NMNAT1: variants seen among roughly 807,000 people sequenced by gnomAD.
NMNAT1 encodes the protein nicotinamide nucleotide adenylyltransferase 1.
A neutral mutation model predicts 16.7 loss-of-function variants in NMNAT1; 11 were observed. The ratio of observed to expected loss-of-function variants is 0.66; its 90% CI spans 0.41 to 1.09. NMNAT1 has a LOEUF of 1.09. Ranked by LOEUF, NMNAT1 falls within the 50% of genes least tolerant of loss-of-function variation. The pLI, the probability that NMNAT1 is intolerant of heterozygous loss-of-function variation, is 0.00. For missense variants in NMNAT1, 280 were observed against 332.3 expected (o/e 0.84, Z 1.22); for synonymous variants, 110 against 119.8 (o/e 0.92, Z 0.53).
intron 1 of NMNAT1, among the ~76,000 whole-genome samples, chr1:9,969,242 T>G (rs1343072726): frequency 6.6e-6 from 1 of 152,154 alleles, no homozygotes; most frequent in Non-Finnish European, 1.5e-5. Context: ...GAAGAAACTT[T>G]AAAATATATC....
chr1:9,979,137 G>A (rs1168491204), intron 3 of NMNAT1, among the ~76,000 whole-genome samples: 2 of 152,168 alleles, frequency 1.3e-5, no homozygotes, highest in East Asian at 1.9e-4. Context: ...AGTGAAACTA[G>A]CTGCAAGGTG....
At chr1:9,987,551 A>G (rs1642061127), downstream of NMNAT1, among the ~76,000 whole-genome samples, 1 of 151,828 alleles carries the variant, frequency 6.6e-6, no homozygotes, top group Non-Finnish European at 1.5e-5. Context: ...GAGGTAGGAG[A>G]ATGGCGTGAA....
At position 9,951,476 on chromosome 1, in the gene NMNAT1, T is replaced by C. The variant is rs534015206; in HGVS notation, c.-57+7961T>C. ...TTCAGTTTTTTTTTGTTGTTGTTGT[T>C]GTTGTTTGTTTGTTTTGAGGCAAGA... On this transcript the variant is annotated intron_variant, in intron 1 of 4. Transcript: ENST00000377205. Among the ~76,000 whole-genome samples the C allele has an allele frequency of 4.4e-4, 20 of 45,264 alleles. No homozygotes were observed. The East Asian group carries it at 0.015, about 34-fold the overall frequency. The allele number at this position is 45,264 out of a possible 152,430, so 29.7% of individuals were successfully genotyped here. A position where few individuals can be genotyped will look rare whatever the true frequency, so the allele number is the denominator to read the frequency against.
intron 1 of NMNAT1, among the ~76,000 whole-genome samples, chr1:9,957,934 G>A (rs1383083903): frequency 6.6e-6 from 1 of 152,148 alleles, no homozygotes; most frequent in Non-Finnish European, 1.5e-5. Flanking sequence ...ATAAGCTAAC[G>A]CTAGACCGTT....
At chr1:9,967,755 C>T (rs1217008403) in intron 1 of NMNAT1, among the ~76,000 whole-genome samples, 4 of 152,000 alleles carry the variant, frequency 2.6e-5, no homozygotes, top group East Asian at 1.9e-4. Context: ...AGGTTCGCTT[C>T]GAGATTCTGA....
intron 1 of NMNAT1, among the ~76,000 whole-genome samples, chr1:9,968,335 G>A (rs926889204): frequency 2.6e-5 from 4 of 151,446 alleles, no homozygotes; most frequent in African/African-American, 4.8e-5. Flanking sequence ...GCCTCCCAAA[G>A]TGCTGGGATT....
downstream of NMNAT1, among the ~76,000 whole-genome samples, chr1:9,986,221 T>G (rs549576979): frequency 7.9e-5 from 12 of 152,222 alleles, 1 homozygote; most frequent in South Asian, 2.3e-3. Context: ...TTAGGGAAAA[T>G]AGCAAACACA....
At chr1:9,994,300 A>G in the NMNAT1 span, among the ~76,000 whole-genome samples, 6 of 151,096 alleles carry the variant, frequency 4.0e-5, no homozygotes, top group Non-Finnish European at 8.8e-5. Flanking sequence ...TTTAGTAGAG[A>G]CGGGGTTTCA....
rs149453256 is a variant in NMNAT1 at position 9,963,270 on chromosome 1, A to C, written c.-56-8748A>C. On this transcript the variant is annotated intron_variant, in intron 1 of 4. Transcript: ENST00000377205. ...AAATCTGAACAAAAGCAAGTTGGTC[A>C]GCCTAGCAGTTATGTCTGACTACTA... Among the ~76,000 whole-genome samples, 7 of 152,300 alleles carry C rather than the reference A, an allele frequency of 4.6e-5. No individual in the cohort carries two copies. In the East Asian group the frequency reaches 1.3e-3, roughly 29 times the overall value.
intron 1 of NMNAT1, chr1:9,947,194 C>G (rs1403995396): frequency 1.3e-5 from 2 of 152,382 alleles, no homozygotes; most frequent in Non-Finnish European, 2.9e-5. Context: ...TCTTTCTCTT[C>G]TCTTTTTTTT....
At chr1:9,959,373 GAAAAAAAAA>G (rs70998331) in intron 1 of NMNAT1, among the ~76,000 whole-genome samples, 75 of 117,594 alleles carry the variant, frequency 6.4e-4, no homozygotes, top group African/African-American at 2.3e-3. Context: ...CTCCATCTTG[GAAAAAAAAA>G]AAAAAAAAAA....
At chr1:9,957,678 T>A (rs1190791642) in intron 1 of NMNAT1, among the ~76,000 whole-genome samples, 3 of 152,168 alleles carry the variant, frequency 2.0e-5, no homozygotes, top group Admixed American at 6.6e-5. Context: ...TAAGGAAAAA[T>A]GACTTATTTT....
rs577276687 is a variant in NMNAT1, at chr1:9,968,134, C to G, written c.-56-3884C>G. Among the ~76,000 whole-genome samples the G allele has an allele frequency of 2.4e-5, 3 of 125,136 alleles. 1 individual carries two copies. The highest frequency in any genetic ancestry group is 5.4e-4 in the South Asian group (2 of 3,706). The allele number at this position is 125,136 out of a possible 152,430, so 82.1% of individuals were successfully genotyped here. A position where few individuals can be genotyped will look rare whatever the true frequency, so the allele number is the denominator to read the frequency against. On this transcript the variant is annotated intron_variant, in intron 1 of 4. Transcript: ENST00000377205. ...TTGCCCAGGCTGGAGTGCAGTGGCA[C>G]GATCTTGGCTTGCTGCAAGCTCCGC...
At chr1:9,979,801 C>CAA (rs1165379193) in intron 3 of NMNAT1, among the ~76,000 whole-genome samples, 6 of 90,618 alleles carry the variant, frequency 6.6e-5, no homozygotes, top group Admixed American at 2.5e-4. Flanking sequence ...GACTCCATCT[C>CAA]AAAAAAAAAA....
chr1:9,972,890 G>C (rs554163549), intron 2 of NMNAT1, among the ~76,000 whole-genome samples: 7 of 152,118 alleles, frequency 4.6e-5, no homozygotes, highest in African/African-American at 1.7e-4. Flanking sequence ...GAGCCCGGGA[G>C]GTCTAGGCTA....
At chr1:9,958,727 T>G (rs1397576975) in intron 1 of NMNAT1, among the ~76,000 whole-genome samples, 5 of 152,128 alleles carry the variant, frequency 3.3e-5, no homozygotes, top group African/African-American at 9.7e-5. Flanking sequence ...TGTGAGCCAC[T>G]GCTCCCAGCC....
intron 1 of NMNAT1, among the ~76,000 whole-genome samples, chr1:9,966,393 A>T (rs1216647512): frequency 6.6e-6 from 1 of 152,076 alleles, no homozygotes; most frequent in South Asian, 2.1e-4. Flanking sequence ...CAGGCAGATC[A>T]CCTGAGGTCA....
chr1:9,979,387 G>A (rs1473450737), intron 3 of NMNAT1, among the ~76,000 whole-genome samples: 1 of 152,000 alleles, frequency 6.6e-6, no homozygotes, highest in Admixed American at 6.6e-5. Flanking sequence ...GATCACTTGA[G>A]CCCAGGAGTT....
At chr1:9,988,076 C>T (rs12061571), downstream of NMNAT1, among the ~76,000 whole-genome samples, 13 of 152,084 alleles carry the variant, frequency 8.5e-5, no homozygotes, top group Admixed American at 5.9e-4. Context: ...CAGCTCACTG[C>T]AACCTCCACC....
Sources: gnomAD v4.1 joint callset for allele counts (sites outside exome capture counted in the v4.1 genomes callset) on GRCh38, gnomAD v4.1.1 for gene constraint, MANE v1.5 for transcripts, NCBI Gene and HGNC (gene_info 2026-07-23, HGNC 2026-07-21) for gene names.